The following CLGN variants were observed in gnomAD, a reference collection of about 807,000 sequenced individuals.
The protein encoded by CLGN is testis tissue sperm-binding protein Li 79P.
Under a neutral mutation model 79.1 loss-of-function variants are expected in CLGN, and 62 were observed. The observed-to-expected ratio is 0.78, with a 90% confidence interval of 0.64 to 0.97. CLGN has a LOEUF of 0.97. Ranked by LOEUF, CLGN falls within the 50% of genes least tolerant of loss-of-function variation. The probability of loss-of-function intolerance (pLI) is 0.00; values close to 1 mark genes in which losing one functional copy is unlikely to be tolerated. For synonymous variants in CLGN, 225 were observed against 224.7 expected (o/e 1.00, Z -0.01); for missense variants, 647 against 715.5 (o/e 0.90, Z 1.09).
At position 140,392,337 on chromosome 4, in the gene CLGN, A is replaced by G; in HGVS notation, c.1533T>C (p.Cys511=). 1 of 1,610,300 alleles carries G rather than the reference A, an allele frequency of 6.2e-7. No individual in the cohort carries two copies. Among genetic ancestry groups the G allele is most frequent in the Non-Finnish European group, 8.5e-7 (1 of 1,178,714 alleles). ...CTAGTACTCCTTTTGTTTGTGGTAT[A>G]CATATGTCGGTTTTTTTATACTCTG... is the stretch of plus-strand genomic sequence containing the variant. ...KDTEYKKTDI[C]IPQTKGVLEQ... Residue 511 remains cysteine (C), a synonymous_variant, in exon 13 of 15, where the codon TGT becomes TGC. Transcript: ENST00000325617.
rs1282782375 is a variant in CLGN at position 140,398,888 on chromosome 4, T to G, written c.847A>C (p.Lys283Gln). 1 of 1,613,936 alleles carries G rather than the reference T, an allele frequency of 6.2e-7. No individual in the cohort carries two copies. Among genetic ancestry groups the G allele is most frequent in the Non-Finnish European group, 8.5e-7 (1 of 1,179,946 alleles). Residue 283 changes from lysine to glutamine, a missense_variant, in exon 8 of 15, where the codon AAA becomes CAA. Coordinates refer to ENST00000325617, the MANE Select transcript of CLGN (RefSeq NM_004362.3). ...TTGACGGCAGAAGGATCAGGAATTT[T>G]TGCTCTTTCATCCCATTCCTCAGGT... ...KKPEEWDERAKIPDPSAVKPE... is the reference protein window; with the variant it reads ...KKPEEWDERAQIPDPSAVKPE...
chr4:140,397,706 C>T (rs572422389), intron 8 of CLGN, among the ~76,000 whole-genome samples: 1 of 152,022 alleles, frequency 6.6e-6, no homozygotes, highest in East Asian at 1.9e-4. Context: ...GAGTTCGAGA[C>T]CAGCCTGACC....
chr4:140,404,443 A>G (rs1011341751), intron 5 of CLGN, among the ~76,000 whole-genome samples: 1 of 152,112 alleles, frequency 6.6e-6, no homozygotes. Context: ...AATTATATTC[A>G]TATATATTAA....
rs561271822 is a variant in CLGN at position 140,401,225 on chromosome 4, A to G, written c.502-676T>C. On this transcript the variant is annotated intron_variant, in intron 6 of 14. Coordinates refer to ENST00000325617, the MANE Select transcript of CLGN (RefSeq NM_004362.3). Reference sequence around the variant, plus strand: ...AGGATTAAGTGAATTAATCAGATAAAGTGCTTATAGAAATACTTGGCATTA... The same window carrying G: ...AGGATTAAGTGAATTAATCAGATAAGGTGCTTATAGAAATACTTGGCATTA... 3.3e-5 allele frequency among the ~76,000 whole-genome samples: 5 copies of G among 152,282 alleles called. No homozygotes were observed. In the South Asian group the frequency reaches 1.0e-3, roughly 32 times the overall value.
chr4:140,420,328 G>C (rs369981924), intron 1 of CLGN, among the ~76,000 whole-genome samples: 5 of 152,040 alleles, frequency 3.3e-5, no homozygotes, highest in African/African-American at 1.2e-4. Context: ...TCAGAAAACA[G>C]TTCAGAAAAC....
chr4:140,396,891 G>GTATATA (rs746057984), intron 8 of CLGN, among the ~76,000 whole-genome samples: 63 of 53,642 alleles, frequency 1.2e-3, no homozygotes, highest in Non-Finnish European at 1.9e-3. Context: ...ATATATATAT[G>GTATATA]TATATATATA....
intron 1 of CLGN, among the ~76,000 whole-genome samples, chr4:140,425,818 G>C (rs976657199): frequency 1.3e-5 from 2 of 151,342 alleles, no homozygotes. Flanking sequence ...TAGTAGAGAC[G>C]GGGTTTCACC....
chr4:140,397,554 C>G (rs887884341), intron 8 of CLGN, among the ~76,000 whole-genome samples: 1 of 151,432 alleles, frequency 6.6e-6, no homozygotes, highest in Non-Finnish European at 1.5e-5. Flanking sequence ...GAAAGTTCTT[C>G]CCTATTCCAA....
intron 1 of CLGN, among the ~76,000 whole-genome samples, chr4:140,420,387 T>C (rs1219811089): frequency 2.0e-5 from 3 of 152,116 alleles, no homozygotes; most frequent in Admixed American, 6.6e-5. Flanking sequence ...TGATCTTATA[T>C]TTACATCAAA....
chr4:140,414,230 T>C (rs1347914404), intron 1 of CLGN, among the ~76,000 whole-genome samples: 1 of 151,934 alleles, frequency 6.6e-6, no homozygotes, highest in Non-Finnish European at 1.5e-5. Context: ...CAAAAGTAGA[T>C]AAAACCACAA....
intron 1 of CLGN, among the ~76,000 whole-genome samples, chr4:140,422,305 A>G (rs1294971363): frequency 7.9e-5 from 12 of 152,158 alleles, no homozygotes; most frequent in Admixed American, 5.9e-4. Context: ...AAAAAGTGCT[A>G]TTAGGATTAT....
rs772774027 is a variant in CLGN at position 140,389,254 on chromosome 4, T to G, written c.1803A>C (p.Ser601=). The change falls in exon 15 of 15, where the codon TCA becomes TCC. Residue 601 remains serine, a synonymous_variant. Coordinates refer to ENST00000325617, the MANE Select transcript of CLGN (RefSeq NM_004362.3). ...CCTTTCGTACTCTTCTTTTGCGTACTGACTTTATCGGCCCATCTCCAGATC... is the reference window on the plus strand; with the variant it reads ...CCTTTCGTACTCTTCTTTTGCGTACGGACTTTATCGGCCCATCTCCAGATC... ...STGSGDGPIK[S]VRKRRVRKD 1.9e-6 allele frequency: 3 copies of G among 1,612,582 alleles called. No individual in the cohort carries two copies. The East Asian group carries it at 6.7e-5, about 36-fold the overall frequency.
chr4:140,419,792 GA>G (rs901394576), intron 1 of CLGN, among the ~76,000 whole-genome samples: 5 of 152,128 alleles, frequency 3.3e-5, no homozygotes, highest in Non-Finnish European at 7.4e-5. Flanking sequence ...AATCACAAAA[GA>G]GGTATAACTG....
chr4:140,421,929 C>T (rs902411325), intron 1 of CLGN, among the ~76,000 whole-genome samples: 1 of 152,006 alleles, frequency 6.6e-6, no homozygotes. Context: ...ATGTTTAAGT[C>T]TTCAATCCAT....
At chr4:140,396,323 C>T (rs1728873390) in intron 8 of CLGN, 118 bp from the exon 9 acceptor site, 2 of 864,870 alleles carry the variant, frequency 2.3e-6, no homozygotes, top group South Asian at 3.3e-5. Flanking sequence ...TGTTATTTGT[C>T]CTCATCTACT....
At position 140,396,914 on chromosome 4, in the gene CLGN, TATATATATAC is replaced by T. The variant is rs1251730474; in HGVS notation, c.885-719_885-710del. Among the ~76,000 whole-genome samples, 3 of 133,752 alleles carry T rather than the reference TATATATATAC, an allele frequency of 2.2e-5. No individual in the cohort carries two copies. The East Asian group carries it at 6.1e-4, about 27-fold the overall frequency. The allele number at this position is 133,752 out of a possible 152,430, so 87.7% of individuals were successfully genotyped here. ...ATGTATATATATATATATGTATATA[TATATATATAC>T]ACATATATATATATACACATAGCTT... On this transcript the variant is annotated intron_variant, in intron 8 of 14. Transcript: ENST00000325617.
chr4:140,425,622 CTT>C (rs60198755), intron 1 of CLGN, among the ~76,000 whole-genome samples: 1,371 of 97,068 alleles, frequency 0.014, 7 homozygotes, highest in African/African-American at 0.055. Context: ...TTTGTAATTC[CTT>C]TTTTTTTTTT....
chr4:140,425,438 GT>G (rs1394730355), intron 1 of CLGN, among the ~76,000 whole-genome samples: 5 of 92,478 alleles, frequency 5.4e-5, no homozygotes, highest in Admixed American at 1.1e-4. Flanking sequence ...GGGTGTGTGT[GT>G]GTGTGTGTGT....
rs768711667 is a variant in CLGN, at chr4:140,410,591, T to C, written c.180A>G (p.Val60=). The change falls in exon 3 of 15, where the codon GTA becomes GTG. Residue 60 remains valine (V), a synonymous_variant. Transcript: ENST00000325617. ...CACTATCAAAAGTTTCTGCAAAATATACTTCTCCTATAGGTTGAGGTGTCT... is the reference window on the plus strand; with the variant it reads ...CACTATCAAAAGTTTCTGCAAAATACACTTCTCCTATAGGTTGAGGTGTCT... The part of the protein sequence containing the change: ...KYKTPQPIGE[V]YFAETFDSGR... The C allele has an allele frequency of 1.2e-6, 2 of 1,603,226 alleles. No homozygotes were observed. Among genetic ancestry groups the C allele is most frequent in the Non-Finnish European group, 1.7e-6 (2 of 1,170,572 alleles).
Sources: allele counts gnomAD v4.1 joint callset (sites outside exome capture counted in the v4.1 genomes callset), GRCh38; gene constraint gnomAD v4.1.1; transcripts MANE v1.5; gene names NCBI Gene and HGNC (gene_info 2026-07-23, HGNC 2026-07-21).